Variants in TUT4 observed in about 807,000 individuals in gnomAD.
TUT4 encodes terminal uridylyl transferase 4, also known as terminal uridylyltransferase 4.
In TUT4, 36 loss-of-function variants were observed where a neutral mutation model predicts 192.2. The ratio of observed to expected loss-of-function variants is 0.19; its 90% confidence interval spans 0.14 to 0.25. The LOEUF (loss-of-function observed/expected upper bound fraction) is 0.25, where lower values mean the gene tolerates loss of function less well. Among genes scored for constraint, TUT4 ranks in the 10% least tolerant of loss-of-function variants. TUT4 has a pLI of 1.00. For missense variants in TUT4, 1,493 were observed against 1,957.2 expected, an observed-to-expected ratio of 0.76 and a Z score of 4.47; for synonymous variants, 618 against 666.0, an observed-to-expected ratio of 0.93 and a Z score of 1.11.
At position 52,481,579 on chromosome 1, in the gene TUT4, T is replaced by C. The variant is rs750887020; in HGVS notation, c.1692A>G (p.Glu564=). Residue 564 remains glutamate, a synonymous_variant, in exon 11 of 30, where the codon GAA becomes GAG. Transcript: ENST00000257177. ...MDDFQLKGIV[E]EKFVKWECNS... ...TACATTCCCACTTCACAAACTTCTCTTCTACTATGCCCTTCAGCTGAAAGT... is the reference window on the plus strand; with the variant it reads ...TACATTCCCACTTCACAAACTTCTCCTCTACTATGCCCTTCAGCTGAAAGT... 3 of 1,613,852 alleles carry C rather than the reference T, an allele frequency of 1.9e-6. No individual in the cohort carries two copies. The highest frequency in any genetic ancestry group is 1.7e-6 in the Non-Finnish European group (2 of 1,179,972).
chr1:52,530,054 G>A (rs1376411868), intron 1 of TUT4, among the ~76,000 whole-genome samples: 2 of 152,050 alleles, frequency 1.3e-5, no homozygotes, highest in Non-Finnish European at 2.9e-5. Context: ...TCTCACCCAG[G>A]CTGGTTTCGA....
At chr1:52,519,083 A>G (rs918836095) in intron 2 of TUT4, among the ~76,000 whole-genome samples, 1 of 152,344 alleles carries the variant, frequency 6.6e-6, no homozygotes, top group Admixed American at 6.5e-5. Context: ...AATGTTCAGA[A>G]CAGCATTATT....
At chr1:52,439,971 C>A (rs1655011770) in intron 24 of TUT4, among the ~76,000 whole-genome samples, 1 of 152,110 alleles carries the variant, frequency 6.6e-6, no homozygotes, top group Non-Finnish European at 1.5e-5. Flanking sequence ...CATGGTACAG[C>A]ATGAAGGAAC....
At chr1:52,520,732 G>A (rs115909420) in intron 2 of TUT4, among the ~76,000 whole-genome samples, 1,827 of 151,954 alleles carry the variant, frequency 0.012, 48 homozygotes, top group African/African-American at 0.043. Flanking sequence ...TCCCTATGTC[G>A]TTCCTATTTC....
At chr1:52,506,135 T>C (rs1675500542) in intron 4 of TUT4, among the ~76,000 whole-genome samples, 2 of 152,122 alleles carry the variant, frequency 1.3e-5, no homozygotes, top group Non-Finnish European at 2.9e-5. Flanking sequence ...GATTTTTTAA[T>C]GTAAAACTAA....
intron 24 of TUT4, among the ~76,000 whole-genome samples, chr1:52,438,622 GA>G (rs1654517242): frequency 6.6e-6 from 1 of 152,160 alleles, no homozygotes; most frequent in Non-Finnish European, 1.5e-5. Flanking sequence ...TCACTTTACA[GA>G]TGGGGAAACT....
chr1:52,530,955 A>G (rs974665401), intron 1 of TUT4, among the ~76,000 whole-genome samples: 2 of 152,158 alleles, frequency 1.3e-5, no homozygotes, highest in African/African-American at 2.4e-5. Context: ...GTGACCTGAG[A>G]TAGCACCACT....
At chr1:52,464,965 T>C (rs2148748286) in intron 16 of TUT4, 105 bp downstream of exon 16, 1 of 838,288 alleles carries the variant, frequency 1.2e-6, no homozygotes, top group Non-Finnish European at 1.8e-6. Context: ...AATATATTTA[T>C]ACAAAGAGTG....
chr1:52,449,099 A>ACT (rs1176113876), intron 20 of TUT4, among the ~76,000 whole-genome samples: 1 of 151,246 alleles, frequency 6.6e-6, no homozygotes, highest in African/African-American at 2.4e-5. Context: ...ACACACACAC[A>ACT]CTCTCTCTCC....
chr1:52,471,873 CTG>C (rs1262526489), intron 14 of TUT4, 77 bp downstream of exon 14: 12 of 1,440,252 alleles, frequency 8.3e-6, no homozygotes, highest in East Asian at 4.9e-5. Flanking sequence ...CGTAAACAAA[CTG>C]TTTTTAAATC....
chr1:52,470,535 TG>T (rs1665458419), intron 14 of TUT4, among the ~76,000 whole-genome samples: 1 of 152,010 alleles, frequency 6.6e-6, no homozygotes, highest in Admixed American at 6.6e-5. Flanking sequence ...AAACAAATTG[TG>T]GTATAACCAT....
chr1:52,462,393 CA>C, intron 16 of TUT4: 1 of 151,898 alleles, frequency 6.6e-6, no homozygotes, highest in Non-Finnish European at 1.5e-5. Flanking sequence ...TCACCGTGTT[CA>C]CCAGGATGGT....
chr1:52,553,124 AG>A (rs1558055409), upstream of TUT4: 1 of 129,472 alleles, frequency 7.7e-6, no homozygotes, highest in East Asian at 2.6e-4. Flanking sequence ...GGGGAGGGGG[AG>A]GAGGAGGGAG....
chr1:52,548,135 A>T (rs2149764925), intron 1 of TUT4, among the ~76,000 whole-genome samples: 1 of 152,272 alleles, frequency 6.6e-6, no homozygotes, highest in African/African-American at 2.4e-5. Context: ...TCTTAATATT[A>T]CCATGAAAAC....
chr1:52,474,372 A>G (rs765615669), intron 13 of TUT4, among the ~76,000 whole-genome samples: 3 of 152,166 alleles, frequency 2.0e-5, no homozygotes, highest in Non-Finnish European at 4.4e-5. Context: ...GTTTCCCTCA[A>G]CTACCTTTAG....
intron 28 of TUT4, among the ~76,000 whole-genome samples, chr1:52,428,598 C>A (rs948875833): frequency 1.3e-5 from 2 of 148,492 alleles, no homozygotes; most frequent in Non-Finnish European, 3.0e-5. Context: ...TGCACTCCAG[C>A]CTGGGTGACA....
At chr1:52,502,225 ATTTG>A (rs1674334408) in intron 4 of TUT4, among the ~76,000 whole-genome samples, 1 of 151,940 alleles carries the variant, frequency 6.6e-6, no homozygotes, top group African/African-American at 2.4e-5. Context: ...TTTGGTCTCA[ATTTG>A]CATTTCTAGG....
chr1:52,479,063 T>C (rs995247549), intron 11 of TUT4, among the ~76,000 whole-genome samples: 4 of 152,012 alleles, frequency 2.6e-5, no homozygotes, highest in Admixed American at 6.6e-5. Flanking sequence ...CAGTGTTCAA[T>C]AGAGTAGTCA....
chr1:52,436,538 T>C (rs1044737407), intron 26 of TUT4, among the ~76,000 whole-genome samples: 22 of 152,092 alleles, frequency 1.4e-4, no homozygotes, highest in Middle Eastern at 3.4e-3. Context: ...AGGGAGATAA[T>C]TGAATACAAC....
Sources: gnomAD v4.1 joint callset for allele counts (sites outside exome capture counted in the v4.1 genomes callset) on GRCh38, gnomAD v4.1.1 for gene constraint, MANE v1.5 for transcripts, NCBI Gene and HGNC (gene_info 2026-07-23, HGNC 2026-07-21) for gene names.